DDX3X: variants seen among roughly 807,000 people sequenced by gnomAD.
The protein encoded by DDX3X is DEAD-box helicase 3 X-linked.
A neutral mutation model predicts 52.7 loss-of-function variants in DDX3X; 4 were observed. The observed-to-expected ratio is 0.08, with a 90% CI of 0.04 to 0.17. The LOEUF (loss-of-function observed/expected upper bound fraction) is 0.17, where lower values mean the gene tolerates loss of function less well. DDX3X is among the 10% of genes least tolerant of loss of function. DDX3X has a pLI of 1.00. For synonymous variants in DDX3X, 192 were observed against 178.1 expected (o/e 1.08, Z -0.62); for missense variants, 222 against 548.6 (o/e 0.40, Z 5.95).
intron 7 of DDX3X, 145 bp downstream of exon 7, chrX:41,343,496 A>C (rs2063880528): frequency 5.2e-6 from 3 of 573,960 alleles, no homozygotes; most frequent in Non-Finnish European, 8.0e-6. Flanking sequence ...ATGATACATA[A>C]ATTATTGGTT....
downstream of DDX3X, chrX:41,350,597 G>A (rs927409057): frequency 9.0e-6 from 1 of 111,282 alleles, no homozygotes; most frequent in African/African-American, 3.3e-5. Flanking sequence ...AGTCCAACAA[G>A]TGATGGTAAG....
At chrX:41,359,596 CAA>C (rs397895766) in intron 5 of DDX3X, among the ~76,000 whole-genome samples, 1 of 52,561 alleles carries the variant, frequency 1.9e-5, no homozygotes. Context: ...GATTCCATCT[CAA>C]AAAAAAAAAA....
intron 2 of DDX3X, chrX:41,337,809 A>G (rs939282975): frequency 1.4e-5 from 2 of 141,847 alleles, no homozygotes; most frequent in African/African-American, 6.4e-5. Context: ...ATCAATGACT[A>G]GCTGGCTCTC....
intron 1 of DDX3X, chrX:41,336,059 T>A (rs1251416777): frequency 8.9e-6 from 1 of 112,304 alleles, no homozygotes; most frequent in African/African-American, 3.2e-5. Context: ...ACTCATTTTT[T>A]AAAAGTATAG....
downstream of DDX3X, among the ~76,000 whole-genome samples, chrX:41,353,297 C>CAA (rs61067509): frequency 0.26 from 11,784 of 45,814 alleles, 1,145 homozygotes; most frequent in South Asian, 0.43. Context: ...ACTAAAAATA[C>CAA]AAAAAAAAAA....
At chrX:41,356,444 G>C (rs1332425084) in intron 5 of DDX3X, among the ~76,000 whole-genome samples, 5 of 102,631 alleles carry the variant, frequency 4.9e-5, no homozygotes, top group African/African-American at 1.8e-4. Flanking sequence ...ACCTCGCCTG[G>C]CCAGTATTTC....
chrX:41,360,948 G>A (rs1403890690), intron 5 of DDX3X, among the ~76,000 whole-genome samples: 2 of 109,071 alleles, frequency 1.8e-5, no homozygotes, highest in Non-Finnish European at 3.8e-5. Flanking sequence ...GCACCATCAC[G>A]GCTCACTGTA....
At chrX:41,343,381 A>T in intron 7 of DDX3X, 30 bp downstream of exon 7, 1 of 1,159,786 alleles carries the variant, frequency 8.6e-7, no homozygotes, top group South Asian at 2.0e-5. Context: ...GTAAAACATC[A>T]TATTTCTTCT....
At chrX:41,336,444 A>G (rs1266559043) in intron 1 of DDX3X, 1 of 112,095 alleles carries the variant, frequency 8.9e-6, no homozygotes, top group Non-Finnish European at 1.9e-5. Flanking sequence ...CCATTTATTC[A>G]AAGTCATCTT....
At chrX:41,346,828 T>A (rs1385995370) in intron 14 of DDX3X, 31 bp from the exon 15 acceptor site, 8 of 1,168,047 alleles carry the variant, frequency 6.8e-6, no homozygotes, top group Non-Finnish European at 9.2e-6. Context: ...GGAAGACCTT[T>A]GTTTATATAC....
At chrX:41,347,271 A>G in intron 15 of DDX3X, 41 bp from the exon 16 acceptor site, 2 of 1,170,045 alleles carry the variant, frequency 1.7e-6, no homozygotes, top group African/African-American at 1.8e-5. Flanking sequence ...CTTTAGTGGA[A>G]TTTCATCTTC....
chrX:41,339,769 A>AT (rs1420469865), intron 3 of DDX3X: 1 of 111,527 alleles, frequency 9.0e-6, no homozygotes, highest in African/African-American at 3.3e-5. Context: ...GAAGGCAGAT[A>AT]GGAAGAGTGG....
chrX:41,344,583 A>T (rs2063897787), intron 10 of DDX3X, 184 bp downstream of exon 10: 1 of 505,620 alleles, frequency 2.0e-6, no homozygotes, highest in Admixed American at 3.1e-5. Flanking sequence ...GATTACAGGC[A>T]TGTGCCACCA....
At chrX:41,354,344 C>CTT (rs60965317), downstream of DDX3X, among the ~76,000 whole-genome samples, 5 of 69,940 alleles carry the variant, frequency 7.1e-5, no homozygotes, top group East Asian at 7.8e-4. Context: ...TGTGCTACCT[C>CTT]TTTTTTTTTT....
At chrX:41,351,207 T>C (rs1423974371), downstream of DDX3X, 1 of 111,608 alleles carries the variant, frequency 9.0e-6, no homozygotes, top group Non-Finnish European at 1.9e-5. Context: ...GAATGATGAG[T>C]GAACATGACA....
downstream of DDX3X, among the ~76,000 whole-genome samples, chrX:41,354,344 C>CTTTT (rs60965317): frequency 5.4e-3 from 380 of 69,928 alleles, 11 homozygotes; most frequent in Non-Finnish European, 7.5e-3. Flanking sequence ...TGTGCTACCT[C>CTTTT]TTTTTTTTTT....
chrX:41,347,073 C>T (rs1281369954), intron 15 of DDX3X, 61 bp downstream of exon 15: 4 of 1,075,704 alleles, frequency 3.7e-6, no homozygotes, highest in Non-Finnish European at 5.1e-6. Context: ...CATAGTGTTT[C>T]CTCTGCATGC....
chrX:41,339,908 CTTTTTTTTTTTTT>C (rs11291103), intron 3 of DDX3X: 1 of 65,197 alleles, frequency 1.5e-5, no homozygotes, highest in Admixed American at 2.1e-4. Context: ...ATCACTTTGG[CTTTTTTTTTTTTT>C]TTTTTTTTTT....
At chrX:41,333,331 G>C (rs1219207084), upstream of DDX3X, 3 of 109,743 alleles carry the variant, frequency 2.7e-5, no homozygotes, top group Admixed American at 1.9e-4. Context: ...ACCTGCGCGC[G>C]CCGCCGGCTC....
Sources: allele counts gnomAD v4.1 joint callset (sites outside exome capture counted in the v4.1 genomes callset), GRCh38; gene constraint gnomAD v4.1.1; transcripts MANE v1.5; gene names NCBI Gene and HGNC (gene_info 2026-07-23, HGNC 2026-07-21).